The following SENP2 variants were observed in gnomAD, a reference collection of about 807,000 sequenced individuals.
The protein encoded by SENP2 is SUMO specific peptidase 2, also known as sentrin-specific protease 2.
SENP2 carries 16 observed loss-of-function variants against 86.3 expected under a neutral mutation model. The ratio of observed to expected loss-of-function variants is 0.19; its 90% confidence interval spans 0.13 to 0.28. The LOEUF (loss-of-function observed/expected upper bound fraction) is 0.28, where lower values mean the gene tolerates loss of function less well. Ranked by LOEUF, SENP2 falls within the 10% of genes least tolerant of loss-of-function variation. SENP2 has a pLI of 1.00. For synonymous variants in SENP2, 222 were observed against 238.7 expected (o/e 0.93, Z 0.64); for missense variants, 552 against 703.0 (o/e 0.79, Z 2.43).
chr3:185,606,258 G>T, intron 5 of SENP2, 72 bp from the exon 6 acceptor site: 1 of 1,400,932 alleles, frequency 7.1e-7, no homozygotes, highest in South Asian at 1.4e-5. Context: ...TCACAGGATG[G>T]TCTGGGAGCT....
At chr3:185,606,621 C>T in intron 6 of SENP2, 123 bp downstream of exon 6, 1 of 838,122 alleles carries the variant, frequency 1.2e-6, no homozygotes, top group Non-Finnish European at 1.8e-6. Context: ...TACAATACAG[C>T]CTCCAACAAA....
chr3:185,600,992 G>T, intron 5 of SENP2, 137 bp downstream of exon 5: 4 of 595,968 alleles, frequency 6.7e-6, no homozygotes, highest in Non-Finnish European at 1.2e-5. Flanking sequence ...ATGTCATGCA[G>T]CCAGTGAGAG....
At chr3:185,622,643 T>A (rs1490451147) in intron 14 of SENP2, among the ~76,000 whole-genome samples, 3 of 152,104 alleles carry the variant, frequency 2.0e-5, no homozygotes, top group Non-Finnish European at 4.4e-5. Flanking sequence ...ATAAAATGGT[T>A]CTCTTCTAGT....
rs192253303 is a variant in SENP2 at position 185,589,916 on chromosome 3, C to T, written c.102-198C>T. On this transcript the variant is annotated intron_variant, in intron 1 of 16. Transcript: ENST00000296257. ...ACTCCAAGGCTCAAGCGATCCTCCC[C>T]CTTGGCCTCCCAAAGTGCTGGGATT... Among the ~76,000 whole-genome samples, 47 of 152,244 alleles carry T rather than the reference C, an allele frequency of 3.1e-4. 1 individual carries two copies. The highest frequency in any genetic ancestry group is 1.1e-3 in the African/African-American group (46 of 41,568).
chr3:185,613,923 A>G (rs1157492787), intron 10 of SENP2, among the ~76,000 whole-genome samples: 1 of 150,964 alleles, frequency 6.6e-6, no homozygotes, highest in Non-Finnish European at 1.5e-5. Flanking sequence ...TACAGTAGCC[A>G]CCTTTGTTTA....
chr3:185,590,845 GC>G (rs1209240698), intron 2 of SENP2, among the ~76,000 whole-genome samples: 1 of 114,862 alleles, frequency 8.7e-6, no homozygotes, highest in Non-Finnish European at 1.7e-5. Flanking sequence ...TCCAGCCTGG[GC>G]GACAGAGCGA....
intron 15 of SENP2, among the ~76,000 whole-genome samples, chr3:185,624,853 G>A (rs998340252): frequency 8.7e-5 from 13 of 149,350 alleles, no homozygotes; most frequent in Non-Finnish European, 1.5e-5. Flanking sequence ...GGGCAACAGA[G>A]CGAGACTGTC....
intron 7 of SENP2, among the ~76,000 whole-genome samples, chr3:185,610,635 G>A (rs565384737): frequency 3.9e-5 from 6 of 152,246 alleles, no homozygotes; most frequent in East Asian, 1.9e-4. Flanking sequence ...TCATGTTGGC[G>A]AAACCCTCAA....
intron 11 of SENP2, among the ~76,000 whole-genome samples, chr3:185,616,941 T>C (rs988194727): frequency 7.9e-5 from 12 of 152,180 alleles, no homozygotes; most frequent in African/African-American, 2.9e-4. Context: ...TTTTCTTCTC[T>C]ATAAAATGAT....
chr3:185,623,953 C>T, intron 14 of SENP2, 45 bp from the exon 15 acceptor site: 1 of 1,145,028 alleles, frequency 8.7e-7, no homozygotes, highest in Non-Finnish European at 1.3e-6. Context: ...TGGTTAATTT[C>T]TTTAGGGATT....
chr3:185,607,279 A>G (rs1722545959), intron 6 of SENP2, among the ~76,000 whole-genome samples: 1 of 151,134 alleles, frequency 6.6e-6, no homozygotes, highest in African/African-American at 2.4e-5. Context: ...TATTATAAGG[A>G]AGAAGAAAGA....
In SENP2 at chr3:185,594,205, G is replaced by A. The variant is rs567589980; in HGVS notation, c.157+4036G>A. Among the ~76,000 whole-genome samples the A allele has an allele frequency of 3.3e-5, 5 of 151,492 alleles. No individual in the cohort carries two copies. In the East Asian group the frequency reaches 9.6e-4, roughly 29 times the overall value. ...CACACAAACGTTGGTATTACAGAAG[G>A]TTTCTGACTTAATTATTTAGGACAA... On this transcript the variant is annotated intron_variant, in intron 2 of 16. Coordinates refer to ENST00000296257, the MANE Select transcript of SENP2 (RefSeq NM_021627.3).
chr3:185,617,434 G>T, intron 11 of SENP2, 46 bp from the exon 12 acceptor site: 1 of 1,522,174 alleles, frequency 6.6e-7, no homozygotes, highest in South Asian at 1.3e-5. Context: ...AACTGATAAT[G>T]AATGGTTCTA....
At chr3:185,611,608 T>G in intron 7 of SENP2, 43 bp from the exon 8 acceptor site, 1 of 1,326,994 alleles carries the variant, frequency 7.5e-7, no homozygotes, top group Non-Finnish European at 1.1e-6. Flanking sequence ...AATGGTAGAC[T>G]TTGCTTTTGT....
intron 5 of SENP2, among the ~76,000 whole-genome samples, chr3:185,604,113 A>G (rs978974870): frequency 2.6e-5 from 4 of 152,198 alleles, no homozygotes; most frequent in Non-Finnish European, 5.9e-5. Flanking sequence ...ACAGTGAGAC[A>G]CCGTCTCAAA....
At chr3:185,613,061 A>G (rs1476593944) in intron 9 of SENP2, among the ~76,000 whole-genome samples, 2 of 152,236 alleles carry the variant, frequency 1.3e-5, no homozygotes, top group Admixed American at 1.3e-4. Context: ...CTATTTTTGT[A>G]TAGTAAATTT....
chr3:185,615,095 T>C (rs1431499518), intron 11 of SENP2, among the ~76,000 whole-genome samples: 1 of 152,210 alleles, frequency 6.6e-6, no homozygotes, highest in Non-Finnish European at 1.5e-5. Flanking sequence ...AAAGTTATTA[T>C]AGTTTACTAA....
chr3:185,624,133 T>A lies in SENP2; in HGVS notation c.1611+51T>A, dbSNP rs766943659. The A allele has an allele frequency of 8.4e-6, 11 of 1,302,080 alleles. No homozygotes were observed. In the African/African-American group the frequency reaches 1.5e-4, roughly 17 times the overall value. The allele number at this position is 1,302,080 out of a possible 1,614,324, so 80.7% of individuals were successfully genotyped here. ...CATACTTGGTTGCATTTACTAATAG[T>A]ATATTATCTAGATTTGGCTCCCTTC... On this transcript the variant is annotated intron_variant, in intron 15 of 16. Coordinates refer to ENST00000296257, the MANE Select transcript of SENP2 (RefSeq NM_021627.3).
At chr3:185,616,866 A>G (rs1367048562) in intron 11 of SENP2, among the ~76,000 whole-genome samples, 1 of 69,738 alleles carries the variant, frequency 1.4e-5, no homozygotes, top group Admixed American at 1.4e-4. Flanking sequence ...CTGGGTTCAA[A>G]TCTTCTTCTA....
Sources: gnomAD v4.1 joint callset for allele counts (sites outside exome capture counted in the v4.1 genomes callset) on GRCh38, gnomAD v4.1.1 for gene constraint, MANE v1.5 for transcripts, NCBI Gene and HGNC (gene_info 2026-07-23, HGNC 2026-07-21) for gene names.